Variants in GPM6A observed in about 807,000 individuals in gnomAD.
GPM6A encodes glycoprotein M6A.
GPM6A carries 7 observed loss-of-function variants against 32.1 expected under a neutral mutation model. The ratio of observed to expected loss-of-function variants is 0.22; its 90% CI spans 0.12 to 0.41. The LOEUF is 0.41. Ranked by LOEUF, GPM6A falls within the 10% of genes least tolerant of loss-of-function variation. GPM6A has a pLI of 1.00. For missense variants in GPM6A, 235 were observed against 347.2 expected (o/e 0.68, Z 2.57); for synonymous variants, 130 against 123.4 (o/e 1.05, Z -0.35).
chr4:175,730,774 G>T (rs1731393318), intron 1 of GPM6A, among the ~76,000 whole-genome samples: 1 of 151,964 alleles, frequency 6.6e-6, no homozygotes, highest in Non-Finnish European at 1.5e-5. Flanking sequence ...GCTGCTGGCC[G>T]TTCTCGATCT....
At chr4:175,712,616 T>C (rs2111094896) in intron 1 of GPM6A, among the ~76,000 whole-genome samples, 1 of 152,332 alleles carries the variant, frequency 6.6e-6, no homozygotes, top group Non-Finnish European at 1.5e-5. Context: ...TCTCTTATCC[T>C]AACACTGAGG....
chr4:175,869,094 A>G (rs1174978666), intron 1 of GPM6A, among the ~76,000 whole-genome samples: 1 of 152,202 alleles, frequency 6.6e-6, no homozygotes, highest in Non-Finnish European at 1.5e-5. Flanking sequence ...TCGAAACACC[A>G]TCATGCCTAA....
chr4:175,774,054 A>C (rs1051252977), intron 1 of GPM6A, among the ~76,000 whole-genome samples: 2 of 152,108 alleles, frequency 1.3e-5, no homozygotes, highest in African/African-American at 4.8e-5. Context: ...CTTGAGATTC[A>C]TCAGGAAAAT....
At chr4:175,891,292 G>A (rs1313100158) in intron 1 of GPM6A, among the ~76,000 whole-genome samples, 1 of 152,132 alleles carries the variant, frequency 6.6e-6, no homozygotes, top group Admixed American at 6.5e-5. Flanking sequence ...CCTCTTCCCA[G>A]CTAATAGGAG....
At position 175,634,434 on chromosome 4, in the gene GPM6A, A is replaced by C. The variant is rs3733398; in HGVS notation, c.*471T>G. On this transcript the variant is annotated 3_prime_UTR_variant, in exon 7 of 7. Coordinates refer to ENST00000393658, the MANE Select transcript of GPM6A (RefSeq NM_201591.3). ...CATATTTCAAGAGTCATCAAGATGT[A>C]ATCTCTATCTATTGTTCATAATGTA... 0.8 allele frequency: 122,585 copies of C among 152,774 alleles called. 50,450 individuals carry two copies. The highest frequency in any genetic ancestry group is 0.89 in the Non-Finnish European group (60,610 of 68,276). The allele number at this position is 152,774 out of a possible 1,614,324, so 9.5% of individuals were successfully genotyped here.
intron 1 of GPM6A, among the ~76,000 whole-genome samples, chr4:175,885,461 T>G (rs1336367533): frequency 2.0e-5 from 3 of 152,096 alleles, no homozygotes; most frequent in Middle Eastern, 3.2e-3. Flanking sequence ...GAGACCCCAT[T>G]TCTACAAAAT....
At position 175,902,473 on chromosome 4, in the gene GPM6A, C is replaced by T. The variant is rs868842046; in HGVS notation, c.-22-90224G>A. On this transcript the variant is annotated intron_variant, in intron 1 of 7. Transcript: ENST00000280187. Reference sequence around the variant, plus strand: ...CAATAGGAAAAGGCTACCTGGGGGCCAGACATGTTCAACATGCAGGCTCCA... The same window carrying T: ...CAATAGGAAAAGGCTACCTGGGGGCTAGACATGTTCAACATGCAGGCTCCA... Among the ~76,000 whole-genome samples the T allele has an allele frequency of 3.2e-4, 48 of 152,262 alleles. 1 individual carries two copies. Among genetic ancestry groups the T allele is most frequent in the Middle Eastern group, 3.4e-3 (1 of 294 alleles).
At chr4:175,652,736 C>CTT (rs1174051430) in intron 3 of GPM6A, among the ~76,000 whole-genome samples, 1 of 151,798 alleles carries the variant, frequency 6.6e-6, no homozygotes, top group Non-Finnish European at 1.5e-5. Context: ...TTACATGAAG[C>CTT]TTTAGTTCAC....
chr4:175,648,117 T>G (rs1366652742), intron 4 of GPM6A, among the ~76,000 whole-genome samples: 1 of 151,572 alleles, frequency 6.6e-6, no homozygotes, highest in African/African-American at 2.4e-5. Context: ...TCTTTTCTTT[T>G]TTTAAAAAAA....
intron 1 of GPM6A, among the ~76,000 whole-genome samples, chr4:175,931,138 GC>G (rs1391079854): frequency 6.6e-6 from 1 of 152,072 alleles, no homozygotes; most frequent in African/African-American, 2.4e-5. Flanking sequence ...ATTGAGATAG[GC>G]ACAGTTCTAA....
intron 1 of GPM6A, among the ~76,000 whole-genome samples, chr4:175,974,416 C>T (rs1448606644): frequency 6.6e-6 from 1 of 152,110 alleles, no homozygotes; most frequent in Non-Finnish European, 1.5e-5. Flanking sequence ...AGGACAGTTG[C>T]CCCATGTCAG....
At chr4:175,913,918 C>T (rs149768676) in intron 1 of GPM6A, among the ~76,000 whole-genome samples, 1,909 of 152,260 alleles carry the variant, frequency 0.013, 17 homozygotes, top group African/African-American at 0.021. Context: ...TTACTCTTCC[C>T]TCTCACCATT....
chr4:175,658,683 A>G (rs965157456), intron 3 of GPM6A, among the ~76,000 whole-genome samples: 4 of 152,170 alleles, frequency 2.6e-5, no homozygotes, highest in Non-Finnish European at 5.9e-5. Flanking sequence ...GGAGGGGGCT[A>G]TGTAAGAAAT....
chr4:175,677,659 T>C (rs899595649), intron 2 of GPM6A, among the ~76,000 whole-genome samples: 5 of 152,196 alleles, frequency 3.3e-5, no homozygotes, highest in Admixed American at 2.6e-4. Context: ...TAATTATTGC[T>C]CAGAAAATCT....
chr4:175,771,993 C>G (rs62336046), intron 1 of GPM6A, among the ~76,000 whole-genome samples: 17,022 of 152,164 alleles, frequency 0.11, 1,015 homozygotes, highest in South Asian at 0.16. Context: ...TATTTCTGAC[C>G]CTTGGTCCTG....
intron 1 of GPM6A, among the ~76,000 whole-genome samples, chr4:175,836,902 A>G (rs1437924435): frequency 6.6e-6 from 1 of 152,168 alleles, no homozygotes; most frequent in African/African-American, 2.4e-5. Flanking sequence ...CAGGGAGAAT[A>G]ACAACTCCCC....
At chr4:175,806,928 G>A (rs767079760) in intron 1 of GPM6A, 3 of 152,322 alleles carry the variant, frequency 2.0e-5, no homozygotes, top group Non-Finnish European at 2.9e-5. Flanking sequence ...TTGCTGAGAC[G>A]AAGTCTGTCC....
chr4:175,709,909 A>G (rs574315476), intron 1 of GPM6A, among the ~76,000 whole-genome samples: 3 of 151,942 alleles, frequency 2.0e-5, no homozygotes, highest in Admixed American at 6.6e-5. Context: ...AGAATAAAAA[A>G]CACCAGGGAA....
At chr4:175,781,513 A>G (rs1182913216) in intron 1 of GPM6A, among the ~76,000 whole-genome samples, 2 of 152,164 alleles carry the variant, frequency 1.3e-5, no homozygotes, top group Admixed American at 1.3e-4. Flanking sequence ...GCACCAAGTG[A>G]TCTTCCATAC....
Sources: gnomAD v4.1 joint callset for allele counts (sites outside exome capture counted in the v4.1 genomes callset) on GRCh38, gnomAD v4.1.1 for gene constraint, MANE v1.5 for transcripts, NCBI Gene and HGNC (gene_info 2026-07-23, HGNC 2026-07-21) for gene names.